The following NRXN1 variants were observed in gnomAD, a reference collection of about 807,000 sequenced individuals.
NRXN1 encodes neurexin-1.
Under a neutral mutation model 150.9 loss-of-function variants are expected in NRXN1, and 39 were observed. That is an observed-to-expected ratio of 0.26 (90% CI 0.20 to 0.34). The LOEUF is 0.34. Among genes scored for constraint, NRXN1 ranks in the 10% least tolerant of loss-of-function variants. NRXN1 has a pLI of 1.00. For synonymous variants in NRXN1, 924 were observed against 757.0 expected, an observed-to-expected ratio of 1.22 and a Z score of -3.62; for missense variants, 1,815 against 1,949.9, an observed-to-expected ratio of 0.93 and a Z score of 1.30.
chr2:50,528,650 A>G lies in NRXN1; in HGVS notation c.2349T>C (p.Asp783=). ...AGRVKLTVNL[D]CIRINCNSSK... ...TGGAATTACAGTTAATCCTGATACA[A>G]TCTAGATGGGGAAGAATAGATGAAA... Residue 783 remains aspartate, a splice_region_variant and synonymous_variant, in exon 12 of 23, where the codon GAT becomes GAC. Coordinates refer to ENST00000401669, the MANE Select transcript of NRXN1 (RefSeq NM_001330078.2). The G allele has an allele frequency of 6.5e-7, 1 of 1,546,878 alleles. No homozygotes were observed. The highest frequency in any genetic ancestry group is 8.9e-7 in the Non-Finnish European group (1 of 1,127,726).
At chr2:50,405,665 A>G (rs1298885415) in intron 17 of NRXN1, among the ~76,000 whole-genome samples, 1 of 152,060 alleles carries the variant, frequency 6.6e-6, no homozygotes, top group Non-Finnish European at 1.5e-5. Flanking sequence ...CTACCTCAAC[A>G]TGGTACAGTG....
intron 5 of NRXN1, among the ~76,000 whole-genome samples, chr2:50,842,766 A>G (rs1673060322): frequency 6.6e-6 from 1 of 152,140 alleles, no homozygotes; most frequent in Non-Finnish European, 1.5e-5. Context: ...CAATTATCAC[A>G]TTGGTATTAG....
chr2:50,646,186 G>A (rs1361018256), intron 5 of NRXN1, among the ~76,000 whole-genome samples: 1 of 151,846 alleles, frequency 6.6e-6, no homozygotes. Context: ...AGTAATTGCA[G>A]TTTTTGCCAT....
intron 12 of NRXN1, among the ~76,000 whole-genome samples, chr2:50,518,874 T>A (rs2092700584): frequency 6.6e-6 from 1 of 151,464 alleles, no homozygotes; most frequent in African/African-American, 2.4e-5. Context: ...TGAGATATTC[T>A]AGTATAAACT....
chr2:50,549,856 TGTGA>T (rs1398633218), intron 9 of NRXN1, among the ~76,000 whole-genome samples: 4 of 152,162 alleles, frequency 2.6e-5, no homozygotes, highest in African/African-American at 7.2e-5. Context: ...TTTTGTTCTC[TGTGA>T]GTATGTGTAT....
chr2:50,365,817 T>C (rs997309362), intron 17 of NRXN1, among the ~76,000 whole-genome samples: 11 of 152,080 alleles, frequency 7.2e-5, no homozygotes, highest in African/African-American at 2.7e-4. Context: ...ATAGCAGACA[T>C]TTCTTGCTTT....
chr2:50,795,673 C>A (rs187377766), intron 5 of NRXN1, among the ~76,000 whole-genome samples: 1 of 151,926 alleles, frequency 6.6e-6, no homozygotes, highest in Non-Finnish European at 1.5e-5. Context: ...TCTGATTTAC[C>A]CCAGTTGATA....
At chr2:50,939,341 C>T (rs1689053022) in intron 2 of NRXN1, among the ~76,000 whole-genome samples, 1 of 151,100 alleles carries the variant, frequency 6.6e-6, no homozygotes, top group Non-Finnish European at 1.5e-5. Context: ...ACTATTGTTT[C>T]ATGATATATT....
intron 5 of NRXN1, among the ~76,000 whole-genome samples, chr2:50,794,037 G>A (rs1019638527): frequency 3.3e-5 from 5 of 152,018 alleles, no homozygotes; most frequent in African/African-American, 7.2e-5. Flanking sequence ...CAGGGAAGCC[G>A]TTAAACACCC....
intron 2 of NRXN1, among the ~76,000 whole-genome samples, chr2:50,968,400 G>C (rs1038798410): frequency 6.6e-6 from 1 of 152,078 alleles, no homozygotes; most frequent in African/African-American, 2.4e-5. Flanking sequence ...GTAAATGGAA[G>C]TGACCAAAAT....
rs780920420 is a variant in NRXN1, at chr2:50,346,678, A to G, written c.3365-109708T>C. 6.2e-7 allele frequency: 1 copy of G among 1,612,568 alleles called. No homozygotes were observed. Among genetic ancestry groups the G allele is most frequent in the Non-Finnish European group, 8.5e-7 (1 of 1,179,034 alleles). ...AGGGGATAACCCGCGAGAACTTGGC[A>G]TCGCAGACCCACCGTGTCCGCCTCG... On this transcript the variant is annotated intron_variant, in intron 17 of 22. Transcript: ENST00000401669. The surrounding 1 kb of genome is among the most constrained non-coding windows in gnomAD (Gnocchi z 5.0).
intron 13 of NRXN1, among the ~76,000 whole-genome samples, chr2:50,498,922 T>C (rs1483689620): frequency 6.6e-6 from 1 of 152,192 alleles, no homozygotes; most frequent in African/African-American, 2.4e-5. Context: ...CTTTCCATCA[T>C]CCACATTATT....
chr2:49,958,215 A>G (rs1675321261), intron 21 of NRXN1, among the ~76,000 whole-genome samples: 1 of 152,204 alleles, frequency 6.6e-6, no homozygotes, highest in Non-Finnish European at 1.5e-5. Context: ...GAGATGGGAT[A>G]TGCTGCTGAA....
At chr2:50,194,772 A>T (rs188731670) in intron 18 of NRXN1, among the ~76,000 whole-genome samples, 21 of 152,294 alleles carry the variant, frequency 1.4e-4, no homozygotes, top group African/African-American at 4.6e-4. Context: ...TTAGAGATTC[A>T]CTTAATGATG....
chr2:50,627,629 C>T (rs1313036923), intron 5 of NRXN1, among the ~76,000 whole-genome samples: 1 of 151,432 alleles, frequency 6.6e-6, no homozygotes, highest in East Asian at 1.9e-4. Flanking sequence ...CACACACACA[C>T]ACACACACGA....
intron 8 of NRXN1, among the ~76,000 whole-genome samples, chr2:50,585,504 A>C (rs2103716760): frequency 6.6e-6 from 1 of 152,318 alleles, no homozygotes; most frequent in African/African-American, 2.4e-5. Flanking sequence ...AATGGTCAAG[A>C]TAGTAAATTT....
intron 18 of NRXN1, among the ~76,000 whole-genome samples, chr2:50,154,950 A>C (rs1204353745): frequency 6.6e-6 from 1 of 151,710 alleles, no homozygotes; most frequent in Non-Finnish European, 1.5e-5. Flanking sequence ...TATATTAAAC[A>C]ACCTTAACTT....
intron 17 of NRXN1, among the ~76,000 whole-genome samples, chr2:50,403,041 T>A (rs1483881579): frequency 1.3e-5 from 2 of 152,126 alleles, no homozygotes; most frequent in Admixed American, 6.6e-5. Context: ...ACTTCCCTTA[T>A]AATCATCAAA....
At chr2:50,996,714 T>C (rs1364909638) in intron 2 of NRXN1, among the ~76,000 whole-genome samples, 2 of 151,938 alleles carry the variant, frequency 1.3e-5, no homozygotes, top group African/African-American at 4.8e-5. Context: ...TTAGACTTAT[T>C]CAAATGCAGA....
Sources: gnomAD v4.1 joint callset for allele counts (sites outside exome capture counted in the v4.1 genomes callset) on GRCh38, gnomAD v4.1.1 for gene constraint, Gnocchi (gnomAD v3.1) non-coding constraint, MANE v1.5 for transcripts, NCBI Gene and HGNC (gene_info 2026-07-23, HGNC 2026-07-21) for gene names.